CNTN5: variants seen among roughly 807,000 people sequenced by gnomAD.
CNTN5 encodes the protein contactin 5, also known as contactin-5.
In CNTN5, 77 loss-of-function variants were observed where a neutral mutation model predicts 129.1. That is an observed-to-expected ratio of 0.60 (90% CI 0.50 to 0.72). The LOEUF is 0.72. Ranked by LOEUF, CNTN5 falls within the 30% of genes least tolerant of loss-of-function variation. CNTN5 has a pLI of 0.00. For missense variants in CNTN5, 1,478 were observed against 1,328.8 expected (o/e 1.11, Z -1.75); for synonymous variants, 509 against 465.6 (o/e 1.09, Z -1.20).
chr11:99,652,649 A>C (rs1422647051), intron 3 of CNTN5, among the ~76,000 whole-genome samples: 1 of 152,074 alleles, frequency 6.6e-6, no homozygotes, highest in Non-Finnish European at 1.5e-5. Context: ...TTTGATCAGA[A>C]CTTACACATA....
intron 3 of CNTN5, among the ~76,000 whole-genome samples, chr11:99,751,782 G>T (rs1944245110): frequency 6.6e-6 from 1 of 152,132 alleles, no homozygotes; most frequent in African/African-American, 2.4e-5. Flanking sequence ...ACTTCATGTT[G>T]AAACATAATC....
chr11:99,759,622 T>C (rs1944513200), intron 3 of CNTN5, among the ~76,000 whole-genome samples: 1 of 150,894 alleles, frequency 6.6e-6, no homozygotes, highest in African/African-American at 2.4e-5. Context: ...TAACCCCAGA[T>C]CTAGGGTCAG....
intron 3 of CNTN5, among the ~76,000 whole-genome samples, chr11:99,675,570 A>G (rs978515195): frequency 1.3e-5 from 2 of 152,164 alleles, no homozygotes; most frequent in Non-Finnish European, 2.9e-5. Flanking sequence ...CTGTAATCCC[A>G]GCCACTTGGG....
intron 3 of CNTN5, among the ~76,000 whole-genome samples, chr11:99,817,339 G>C (rs975451887): frequency 7.2e-5 from 11 of 152,222 alleles, no homozygotes; most frequent in Non-Finnish European, 1.5e-4. Context: ...AACAAAGGAA[G>C]ACCTGGCGTA....
In CNTN5 at chr11:100,003,857, T is replaced by TCA. The variant is rs1473049032; in HGVS notation, c.980+1721_980+1722insCA. 3.3e-5 allele frequency: 5 copies of TCA among 152,220 alleles called. No homozygotes were observed. In the East Asian group the frequency reaches 7.7e-4, roughly 23 times the overall value. 9.4% of individuals were successfully genotyped at this position (152,220 alleles called of 1,614,324 possible). A position where few individuals can be genotyped will look rare whatever the true frequency, so the allele number is the denominator to read the frequency against. Reference sequence around the variant, plus strand: ...TGCTTCACTCAAGAAGGTCTCTGTTTATCACTTGGTGTCCTTTCTAAGAAA... The same window carrying TCA: ...TGCTTCACTCAAGAAGGTCTCTGTTTCAATCACTTGGTGTCCTTTCTAAGAAA... On this transcript the variant is annotated intron_variant, in intron 9 of 24. Transcript: ENST00000524871.
At position 99,664,871 on chromosome 11, in the gene CNTN5, G is replaced by A. The variant is rs1274873343; in HGVS notation, c.55+108602G>A. ...TAATTTATTCTTTAATAGAAAAAAT[G>A]TGCACATGCTAATTTAGCTAATATG... On this transcript the variant is annotated intron_variant, in intron 3 of 24. Coordinates refer to ENST00000524871, the MANE Select transcript of CNTN5 (RefSeq NM_014361.4). Among the ~76,000 whole-genome samples, 5 of 152,208 alleles carry A rather than the reference G, an allele frequency of 3.3e-5. No homozygotes were observed. The East Asian group carries it at 9.6e-4, about 29-fold the overall frequency.
intron 2 of CNTN5, among the ~76,000 whole-genome samples, chr11:99,383,251 C>G (rs562486516): frequency 6.6e-6 from 1 of 152,134 alleles, no homozygotes; most frequent in South Asian, 2.1e-4. Flanking sequence ...ATTTAAAGCT[C>G]TCAAAGAAAT....
chr11:100,267,864 T>G (rs559929945), intron 17 of CNTN5, among the ~76,000 whole-genome samples: 1 of 152,232 alleles, frequency 6.6e-6, no homozygotes, highest in South Asian at 2.1e-4. Flanking sequence ...GACTAAACTA[T>G]TTAGGAAGCT....
At chr11:99,968,046 C>T (rs1423495741) in intron 8 of CNTN5, among the ~76,000 whole-genome samples, 2 of 152,148 alleles carry the variant, frequency 1.3e-5, no homozygotes. Flanking sequence ...AAAGATATAG[C>T]AAAGCTGTAC....
chr11:99,205,731 T>C (rs1273593373), intron 1 of CNTN5, among the ~76,000 whole-genome samples: 1 of 152,184 alleles, frequency 6.6e-6, no homozygotes, highest in South Asian at 2.1e-4. Flanking sequence ...AGCTTGACTG[T>C]AGTAAACATT....
chr11:100,289,724 A>T (rs1414566497), intron 18 of CNTN5, among the ~76,000 whole-genome samples: 32 of 149,486 alleles, frequency 2.1e-4, no homozygotes, highest in Non-Finnish European at 4.6e-4. Context: ...CTCTCTCACC[A>T]CTCCTATTCA....
rs570049232 is a variant in CNTN5 at position 99,628,466 on chromosome 11, A to T, written c.55+72197A>T. Among the ~76,000 whole-genome samples the T allele has an allele frequency of 2.6e-5, 4 of 152,160 alleles. No individual in the cohort carries two copies. The East Asian group carries it at 7.7e-4, about 29-fold the overall frequency. ...TGTTGCATTATTTAATCAACCTCCA[A>T]TGCTTTGTAAAACTGGTCTCCCAGT... is the stretch of plus-strand genomic sequence containing the variant. On this transcript the variant is annotated intron_variant, in intron 3 of 24. Transcript: ENST00000524871.
intron 7 of CNTN5, among the ~76,000 whole-genome samples, chr11:99,929,650 T>A (rs995956425): frequency 3.9e-5 from 6 of 152,042 alleles, no homozygotes; most frequent in Admixed American, 6.5e-5. Flanking sequence ...AACCATCAGA[T>A]CTTGTGAGAA....
chr11:100,234,484 G>A (rs918334174), intron 16 of CNTN5, among the ~76,000 whole-genome samples: 1 of 152,142 alleles, frequency 6.6e-6, no homozygotes, highest in Non-Finnish European at 1.5e-5. Flanking sequence ...ATGAGTTCAT[G>A]TCTTTGCAGG....
At chr11:100,117,444 A>C (rs1278495222) in intron 13 of CNTN5, among the ~76,000 whole-genome samples, 1 of 152,012 alleles carries the variant, frequency 6.6e-6, no homozygotes, top group Non-Finnish European at 1.5e-5. Context: ...GCAGAACACA[A>C]AATCTATGAA....
chr11:99,967,493 C>A (rs746265119), intron 8 of CNTN5, among the ~76,000 whole-genome samples: 2 of 152,156 alleles, frequency 1.3e-5, no homozygotes, highest in Non-Finnish European at 2.9e-5. Flanking sequence ...CTGTCTGTAA[C>A]CGCGCACTCT....
At chr11:100,115,115 T>TAAAAAAAAAAAAAAAAAAAA (rs11388029) in intron 13 of CNTN5, among the ~76,000 whole-genome samples, 1 of 78,408 alleles carries the variant, frequency 1.3e-5, no homozygotes. Flanking sequence ...AGGTATACAG[T>TAAAAAAAAAAAAAAAAAAAA]AAAAAAAAAA....
intron 1 of CNTN5, among the ~76,000 whole-genome samples, chr11:99,026,298 A>G (rs11218095): frequency 0.21 from 31,605 of 151,432 alleles, 3,817 homozygotes; most frequent in East Asian, 0.33. Flanking sequence ...CTTCTTCTTC[A>G]TATTCTTTTC....
chr11:99,981,103 T>TATATATATAC (rs1014330113), intron 8 of CNTN5, among the ~76,000 whole-genome samples: 2 of 54,494 alleles, frequency 3.7e-5, no homozygotes, highest in East Asian at 4.9e-4. Context: ...TATATATATA[T>TATATATATAC]ACACACACAC....
Sources: allele counts gnomAD v4.1 joint callset (sites outside exome capture counted in the v4.1 genomes callset), GRCh38; gene constraint gnomAD v4.1.1; transcripts MANE v1.5; gene names NCBI Gene and HGNC (gene_info 2026-07-23, HGNC 2026-07-21).